Variants in NXPH2 observed in about 807,000 individuals in gnomAD.
NXPH2 encodes neurexophilin-2.
Under a neutral mutation model 19.8 loss-of-function variants are expected in NXPH2, and 5 were observed. The observed-to-expected ratio is 0.25, with a 90% CI of 0.13 to 0.53. The LOEUF (loss-of-function observed/expected upper bound fraction) is 0.53. NXPH2 is among the 20% of genes least tolerant of loss of function. The probability of loss-of-function intolerance (pLI) is 0.96; values close to 1 mark genes in which losing one functional copy is unlikely to be tolerated. For synonymous variants in NXPH2, 154 were observed against 127.4 expected (o/e 1.21, Z -1.41); for missense variants, 289 against 322.8 (o/e 0.90, Z 0.80).
chr2:138,730,317 C>A (rs1446083726), intron 1 of NXPH2, among the ~76,000 whole-genome samples: 1 of 152,054 alleles, frequency 6.6e-6, no homozygotes, highest in Admixed American at 6.6e-5. Context: ...GTCACAGCCT[C>A]CCCAGTAATT....
intron 1 of NXPH2, among the ~76,000 whole-genome samples, chr2:138,711,002 C>T (rs916863675): frequency 6.6e-6 from 1 of 152,092 alleles, no homozygotes; most frequent in Non-Finnish European, 1.5e-5. Context: ...CCGGATCCCA[C>T]TTAAAATGAG....
At chr2:138,776,616 G>GTT (rs79767460) in intron 1 of NXPH2, among the ~76,000 whole-genome samples, 8,663 of 140,034 alleles carry the variant, frequency 0.062, 349 homozygotes, top group Non-Finnish European at 0.09. Context: ...ATATAGTGGT[G>GTT]TTTTTTTTTT....
At chr2:138,735,778 C>G (rs1323828298) in intron 1 of NXPH2, among the ~76,000 whole-genome samples, 1 of 152,184 alleles carries the variant, frequency 6.6e-6, no homozygotes, top group Non-Finnish European at 1.5e-5. Flanking sequence ...GCCTATGAAC[C>G]TGTAAAATCA....
chr2:138,767,983 T>C (rs1051765359), intron 1 of NXPH2, among the ~76,000 whole-genome samples: 1 of 152,200 alleles, frequency 6.6e-6, no homozygotes, highest in Non-Finnish European at 1.5e-5. Context: ...TTATTATCTC[T>C]ATTATTTTCA....
intron 1 of NXPH2, among the ~76,000 whole-genome samples, chr2:138,691,684 G>T (rs1680749048): frequency 6.6e-6 from 1 of 152,120 alleles, no homozygotes; most frequent in African/African-American, 2.4e-5. Context: ...CACTTTGCTG[G>T]AAAGACCACA....
At chr2:138,687,852 T>C (rs1372567503) in intron 1 of NXPH2, among the ~76,000 whole-genome samples, 4 of 152,168 alleles carry the variant, frequency 2.6e-5, no homozygotes, top group African/African-American at 7.2e-5. Context: ...TGGTTGTAGA[T>C]GTGTGGTATT....
At chr2:138,757,053 T>C (rs2104836698) in intron 1 of NXPH2, among the ~76,000 whole-genome samples, 1 of 152,312 alleles carries the variant, frequency 6.6e-6, no homozygotes, top group Admixed American at 6.5e-5. Flanking sequence ...TTTAAATCTA[T>C]CACAATGCAA....
intron 1 of NXPH2, among the ~76,000 whole-genome samples, chr2:138,742,868 A>G (rs181423557): frequency 3.8e-4 from 58 of 152,358 alleles, no homozygotes; most frequent in African/African-American, 1.2e-3. Context: ...ACAATGGATT[A>G]CATCACAATA....
intron 1 of NXPH2, among the ~76,000 whole-genome samples, chr2:138,695,333 A>T (rs1326183345): frequency 6.6e-6 from 1 of 152,196 alleles, no homozygotes; most frequent in African/African-American, 2.4e-5. Context: ...ATAAATTTTA[A>T]CATATGTAGG....
In NXPH2 at chr2:138,761,484, C is replaced by A. The variant is rs549846538; in HGVS notation, c.51+18707G>T. 7.2e-5 allele frequency among the ~76,000 whole-genome samples: 11 copies of A among 152,288 alleles called. No individual in the cohort carries two copies. The South Asian group carries it at 2.1e-3, about 29-fold the overall frequency. ...CTTTATGGGTTTGAAATTTCTTTGA[C>A]TTACTAATGCATCTGCTGTGCCTCC... On this transcript the variant is annotated intron_variant, in intron 1 of 1. Transcript: ENST00000272641.
chr2:138,753,785 C>T (rs1203559235), intron 1 of NXPH2, among the ~76,000 whole-genome samples: 1 of 152,146 alleles, frequency 6.6e-6, no homozygotes, highest in African/African-American at 2.4e-5. Flanking sequence ...CATACATTGA[C>T]TTAATTGATC....
chr2:138,775,691 A>C (rs1268041567), intron 1 of NXPH2, among the ~76,000 whole-genome samples: 3 of 152,140 alleles, frequency 2.0e-5, no homozygotes, highest in Non-Finnish European at 4.4e-5. Flanking sequence ...GTGCCTGCTA[A>C]TTTAGTTACA....
intron 1 of NXPH2, among the ~76,000 whole-genome samples, chr2:138,735,092 G>C (rs1026618380): frequency 6.6e-6 from 1 of 152,170 alleles, no homozygotes; most frequent in Non-Finnish European, 1.5e-5. Context: ...AAATGGCGCT[G>C]TTCTGGCAAG....
chr2:138,715,901 A>G lies in NXPH2; in HGVS notation c.52-44236T>C, dbSNP rs184685312. ...AGGGCAGGAACTCTCCATGCCAGCT[A>G]TATAGTAGCCTCTCTGTCCTGGGGT... is the stretch of plus-strand genomic sequence containing the variant. On this transcript the variant is annotated intron_variant, in intron 1 of 1. Coordinates refer to ENST00000272641, the MANE Select transcript of NXPH2 (RefSeq NM_007226.3). Among the ~76,000 whole-genome samples, 661 of 152,264 alleles carry G rather than the reference A, an allele frequency of 4.3e-3. 5 individuals carry two copies. The highest frequency in any genetic ancestry group is 6.7e-3 in the Non-Finnish European group (455 of 68,014).
At chr2:138,736,982 C>T (rs1681557572) in intron 1 of NXPH2, among the ~76,000 whole-genome samples, 1 of 152,196 alleles carries the variant, frequency 6.6e-6, no homozygotes, top group Non-Finnish European at 1.5e-5. Flanking sequence ...ACCACCTCAG[C>T]CTGGACTTTA....
At chr2:138,766,940 T>C (rs1037674114) in intron 1 of NXPH2, among the ~76,000 whole-genome samples, 2 of 152,210 alleles carry the variant, frequency 1.3e-5, no homozygotes, top group Admixed American at 6.5e-5. Flanking sequence ...TCTTCCAGTA[T>C]TTGGTAACTT....
At chr2:138,695,792 A>G (rs560555760) in intron 1 of NXPH2, among the ~76,000 whole-genome samples, 20 of 152,292 alleles carry the variant, frequency 1.3e-4, no homozygotes, top group African/African-American at 4.8e-4. Context: ...AACCCACACA[A>G]TTCATAGACA....
intron 1 of NXPH2, among the ~76,000 whole-genome samples, chr2:138,734,233 A>G (rs551331445): frequency 6.6e-6 from 1 of 152,300 alleles, no homozygotes; most frequent in East Asian, 1.9e-4. Context: ...TGATAGAAGA[A>G]GACTCTGTCA....
intron 1 of NXPH2, among the ~76,000 whole-genome samples, chr2:138,679,528 G>A (rs13389396): frequency 0.099 from 15,063 of 151,948 alleles, 1,165 homozygotes; most frequent in African/African-American, 0.21. Context: ...AGACTCCCGA[G>A]TAGCTGGGTT....
Sources: gnomAD v4.1 joint callset for allele counts (sites outside exome capture counted in the v4.1 genomes callset) on GRCh38, gnomAD v4.1.1 for gene constraint, MANE v1.5 for transcripts, NCBI Gene and HGNC (gene_info 2026-07-23, HGNC 2026-07-21) for gene names.